Variants in RIOK1 observed in about 807,000 individuals in gnomAD.
The protein encoded by RIOK1 is serine/threonine-protein kinase RIO1.
Under a neutral mutation model 73.5 loss-of-function variants are expected in RIOK1, and 66 were observed. The ratio of observed to expected loss-of-function variants is 0.90; its 90% CI spans 0.74 to 1.10. The LOEUF is 1.10. RIOK1 is among the 50% of genes least tolerant of loss of function. The pLI is 0.00. For missense variants in RIOK1, 658 were observed against 699.8 expected (o/e 0.94, Z 0.67); for synonymous variants, 224 against 226.8 (o/e 0.99, Z 0.11).
intron 5 of RIOK1, among the ~76,000 whole-genome samples, chr6:7,399,904 C>G (rs1464068737): frequency 1.3e-5 from 2 of 152,120 alleles, no homozygotes; most frequent in African/African-American, 4.8e-5. Context: ...TGGTGTGACC[C>G]CAGCCACTTC....
intron 12 of RIOK1, among the ~76,000 whole-genome samples, chr6:7,406,064 C>T (rs903508828): frequency 6.6e-6 from 1 of 151,568 alleles, no homozygotes; most frequent in Non-Finnish European, 1.5e-5. Context: ...GTGGCGCACT[C>T]TTGGTTCACT....
At chr6:7,399,919 A>G (rs927105136) in intron 5 of RIOK1, among the ~76,000 whole-genome samples, 36 of 152,334 alleles carry the variant, frequency 2.4e-4, no homozygotes, top group African/African-American at 8.4e-4. Context: ...CACTTCATTG[A>G]AGGTGGACCC....
Position 7,417,390 on chromosome 6 carries a change from A to G in RIOK1, c.1656A>G (p.Lys552=). ...QREKRKNKIP[K]HVKKRKEKTA... is the part of the protein sequence containing the mutation. ...AGAAAAGAAAAAACAAAATTCCTAA[A>G]CATGTGAAAAAAAGAAAGGAGAAGA... The change falls in exon 17 of 17, where the codon AAA becomes AAG. Residue 552 remains lysine (K), a synonymous_variant. Transcript: ENST00000379834. 6.4e-6 allele frequency: 10 copies of G among 1,570,488 alleles called. No homozygotes were observed. Among genetic ancestry groups the G allele is most frequent in the Non-Finnish European group, 8.6e-6 (10 of 1,157,312 alleles).
At chr6:7,414,423 G>C in intron 16 of RIOK1, 33 bp downstream of exon 16, 1 of 1,575,604 alleles carries the variant, frequency 6.3e-7, no homozygotes, top group Non-Finnish European at 8.6e-7. Context: ...CTTTTCTTTA[G>C]TGTGGGAGCA....
At chr6:7,393,005 A>G (rs1761378379) in intron 1 of RIOK1, 94 bp from the exon 2 acceptor site, 1 of 1,343,960 alleles carries the variant, frequency 7.4e-7, no homozygotes, top group Non-Finnish European at 9.9e-7. Context: ...TTTTAGATTT[A>G]TCAATATTTT....
At chr6:7,404,695 C>T (rs1761700358) in intron 10 of RIOK1, 140 bp downstream of exon 10, 1 of 1,149,832 alleles carries the variant, frequency 8.7e-7, no homozygotes, top group Non-Finnish European at 1.2e-6. Flanking sequence ...GATAGGATTC[C>T]TTTTTTCAGT....
chr6:7,395,251 C>T (rs62386195), intron 3 of RIOK1, 108 bp downstream of exon 3: 173,647 of 1,280,874 alleles, frequency 0.14, 12,689 homozygotes, highest in Non-Finnish European at 0.15. Context: ...TGGTGGCTCA[C>T]GCCTGTAATC....
At chr6:7,392,930 C>T (rs1320001168) in intron 1 of RIOK1, 169 bp from the exon 2 acceptor site, 1 of 984,258 alleles carries the variant, frequency 1.0e-6, no homozygotes, top group Non-Finnish European at 1.2e-6. Context: ...AACTGGAAAA[C>T]AGGAGAACAT....
At chr6:7,400,019 G>A (rs978154726) in intron 5 of RIOK1, among the ~76,000 whole-genome samples, 3 of 152,150 alleles carry the variant, frequency 2.0e-5, no homozygotes, top group African/African-American at 7.2e-5. Context: ...GTTATTGGTT[G>A]GTATCCTTAG....
chr6:7,408,464 G>C (rs922716234), intron 12 of RIOK1, among the ~76,000 whole-genome samples: 1 of 152,150 alleles, frequency 6.6e-6, no homozygotes, highest in African/African-American at 2.4e-5. Context: ...GCTCTCTGGA[G>C]GGGTATTTCA....
At chr6:7,394,534 G>A (rs1249403084) in intron 2 of RIOK1, among the ~76,000 whole-genome samples, 1 of 152,134 alleles carries the variant, frequency 6.6e-6, no homozygotes, top group Non-Finnish European at 1.5e-5. Flanking sequence ...TTTTTATATC[G>A]TCTTGTTCTG....
intron 2 of RIOK1, among the ~76,000 whole-genome samples, chr6:7,394,181 C>G (rs1316885611): frequency 1.3e-5 from 2 of 152,208 alleles, no homozygotes; most frequent in African/African-American, 2.4e-5. Context: ...TGCCTCTAAT[C>G]CCAGCACTTT....
Position 7,402,665 on chromosome 6 carries a change from TTC to T in RIOK1, c.638_639del (p.Ser213TyrfsTer9). ...GCAGAGCAATCAAAATTTATAAAAC[TTC>T]TATTTTGGTGTTCAAAGATCGGGAT... ...ESRAIKIYKTSILVFKDRDKY... is the reference protein window; with the variant it reads ...ESRAIKIYKTXILVFKDRDKY... On this transcript the variant is annotated frameshift_variant, in exon 7 of 17. Coordinates refer to ENST00000379834, the MANE Select transcript of RIOK1 (RefSeq NM_031480.3). LOFTEE classifies it high-confidence loss of function. 1 of 1,612,832 alleles carries T rather than the reference TTC, an allele frequency of 6.2e-7. No homozygotes were observed. Among genetic ancestry groups the T allele is most frequent in the Non-Finnish European group, 8.5e-7 (1 of 1,179,160 alleles).
At chr6:7,399,944 G>A (rs1761571124) in intron 5 of RIOK1, among the ~76,000 whole-genome samples, 1 of 152,212 alleles carries the variant, frequency 6.6e-6, no homozygotes. Context: ...GTATAGTTGA[G>A]TTTGGCTAGT....
At chr6:7,408,122 C>T (rs147987365) in intron 12 of RIOK1, among the ~76,000 whole-genome samples, 169 of 152,218 alleles carry the variant, frequency 1.1e-3, no homozygotes, top group African/African-American at 3.8e-3. Flanking sequence ...CTGTAACCTC[C>T]ACCTCCTGGA....
At chr6:7,414,105 C>T (rs1761945776) in intron 15 of RIOK1, 133 bp from the exon 16 acceptor site, 5 of 707,810 alleles carry the variant, frequency 7.1e-6, no homozygotes, top group Non-Finnish European at 6.8e-6. Flanking sequence ...TTTGATGTTT[C>T]AGTACAGGAT....
chr6:7,411,673 T>C, intron 14 of RIOK1: 1 of 459,210 alleles, frequency 2.2e-6, no homozygotes, highest in Non-Finnish European at 3.9e-6. Flanking sequence ...TCCAACAAGC[T>C]GTAATTGTAG....
chr6:7,408,083 C>G (rs1261124862), intron 12 of RIOK1, among the ~76,000 whole-genome samples: 5 of 152,200 alleles, frequency 3.3e-5, no homozygotes, highest in Non-Finnish European at 7.3e-5. Flanking sequence ...GTTGCCCAGG[C>G]TGGAGTGCAA....
intron 13 of RIOK1, 123 bp from the exon 14 acceptor site, chr6:7,411,209 C>A: frequency 9.6e-7 from 1 of 1,043,038 alleles, no homozygotes. Context: ...ACAGCTTAGC[C>A]AAGCATCAGT....
Sources: allele counts gnomAD v4.1 joint callset (sites outside exome capture counted in the v4.1 genomes callset), GRCh38; gene constraint gnomAD v4.1.1; transcripts MANE v1.5; gene names NCBI Gene and HGNC (gene_info 2026-07-23, HGNC 2026-07-21).